The following PHACTR1 variants were observed in gnomAD, a reference collection of about 807,000 sequenced individuals.
PHACTR1 encodes RPEL repeat containing 1.
A neutral mutation model predicts 69.2 loss-of-function variants in PHACTR1; 16 were observed. The observed-to-expected ratio is 0.23, with a 90% CI of 0.16 to 0.35. The LOEUF (loss-of-function observed/expected upper bound fraction) is 0.35, where lower values mean the gene tolerates loss of function less well. PHACTR1 is among the 10% of genes least tolerant of loss of function. PHACTR1 has a pLI of 1.00. For missense variants in PHACTR1, 510 were observed against 734.7 expected (o/e 0.69, Z 3.54); for synonymous variants, 312 against 284.5 (o/e 1.10, Z -0.97).
chr6:13,200,687 A>G (rs1446775897), intron 7 of PHACTR1, among the ~76,000 whole-genome samples: 11 of 151,732 alleles, frequency 7.2e-5, no homozygotes, highest in African/African-American at 2.7e-4. Context: ...GTGGCCACCC[A>G]CTTTGGGAGG....
At chr6:12,831,640 A>G (rs1475377116) in intron 4 of PHACTR1, among the ~76,000 whole-genome samples, 1 of 152,114 alleles carries the variant, frequency 6.6e-6, no homozygotes, top group African/African-American at 2.4e-5. Context: ...AAATTGTTCT[A>G]TGTTTCATCA....
chr6:13,251,654 G>C (rs898341680), intron 10 of PHACTR1, among the ~76,000 whole-genome samples: 1 of 152,206 alleles, frequency 6.6e-6, no homozygotes, highest in African/African-American at 2.4e-5. Flanking sequence ...AGCTCTGACA[G>C]TCCTATGGCA....
At chr6:13,254,838 A>G (rs1774958614) in intron 10 of PHACTR1, among the ~76,000 whole-genome samples, 3 of 152,240 alleles carry the variant, frequency 2.0e-5, no homozygotes, top group Admixed American at 2.0e-4. Context: ...CAAGAAAGCA[A>G]TAGACTACTT....
intron 5 of PHACTR1, among the ~76,000 whole-genome samples, chr6:13,131,193 A>AC (rs1820374293): frequency 4.1e-5 from 1 of 24,662 alleles, no homozygotes; most frequent in Non-Finnish European, 9.3e-5. Context: ...ACACACACAC[A>AC]TATATATATA....
Position 13,137,894 on chromosome 6 carries a change from G to A in PHACTR1, c.416-22310G>A, listed in dbSNP as rs1821807208. Among the ~76,000 whole-genome samples, 3 of 152,214 alleles carry A rather than the reference G, an allele frequency of 2.0e-5. No individual in the cohort carries two copies. The South Asian group carries it at 6.2e-4, about 31-fold the overall frequency. ...TCAAGACATGCTAAGGAAAATAAGGGGAGAGAATTCTCACCCTCTTGTGTC... is the reference window on the plus strand; with the variant it reads ...TCAAGACATGCTAAGGAAAATAAGGAGAGAGAATTCTCACCCTCTTGTGTC... On this transcript the variant is annotated intron_variant, in intron 5 of 14. Transcript: ENST00000332995.
chr6:13,260,242 T>C (rs1287716888), intron 10 of PHACTR1, among the ~76,000 whole-genome samples: 1 of 152,126 alleles, frequency 6.6e-6, no homozygotes, highest in African/African-American at 2.4e-5. Context: ...GATAAGGCCA[T>C]CGTCAAGATG....
At chr6:12,962,007 C>A (rs1274273299) in intron 4 of PHACTR1, among the ~76,000 whole-genome samples, 4 of 152,200 alleles carry the variant, frequency 2.6e-5, no homozygotes, top group African/African-American at 9.7e-5. Flanking sequence ...CAGCTCTCTG[C>A]AGCCTTGATC....
At chr6:12,936,539 CTGTT>C (rs1490839796) in intron 4 of PHACTR1, among the ~76,000 whole-genome samples, 1 of 152,200 alleles carries the variant, frequency 6.6e-6, no homozygotes, top group Non-Finnish European at 1.5e-5. Flanking sequence ...ATTTAAGTGA[CTGTT>C]TACATCTGAG....
intron 4 of PHACTR1, among the ~76,000 whole-genome samples, chr6:12,990,094 C>T (rs764572006): frequency 1.3e-5 from 2 of 152,130 alleles, no homozygotes; most frequent in Admixed American, 6.5e-5. Flanking sequence ...TTTTTATAGC[C>T]AGTTTATACA....
chr6:13,259,633 A>C (rs1353616947), intron 10 of PHACTR1, among the ~76,000 whole-genome samples: 1 of 152,182 alleles, frequency 6.6e-6, no homozygotes, highest in African/African-American at 2.4e-5. Flanking sequence ...AGTCCTACAC[A>C]GCAGGCGGGC....
At chr6:12,800,987 A>G (rs1224410620) in intron 4 of PHACTR1, among the ~76,000 whole-genome samples, 1 of 152,186 alleles carries the variant, frequency 6.6e-6, no homozygotes, top group Non-Finnish European at 1.5e-5. Context: ...GAGTTTAATA[A>G]TTTTTTAAAT....
chr6:13,231,105 G>GGAAGGAAGGGA (rs1562037449), intron 10 of PHACTR1, among the ~76,000 whole-genome samples: 1 of 99,252 alleles, frequency 1.0e-5, no homozygotes, highest in Non-Finnish European at 1.8e-5. Context: ...GAAGGGAAAA[G>GGAAGGAAGGGA]AAAGAAGGAA....
At chr6:12,748,139 A>G (rs1766045466) in intron 3 of PHACTR1, among the ~76,000 whole-genome samples, 2 of 152,260 alleles carry the variant, frequency 1.3e-5, no homozygotes, top group Non-Finnish European at 2.9e-5. Context: ...GATGGCCAGG[A>G]GTTCCACGGG....
Position 13,170,816 on chromosome 6 carries a change from G to A in PHACTR1, c.496+10532G>A, listed in dbSNP as rs117927934. ...AACCCCAGGACCCTAGACTGCTGCC[G>A]CCAGCAAGGCCATGCTTTCATTTGA... On this transcript the variant is annotated intron_variant, in intron 6 of 14. Transcript: ENST00000332995. Among the ~76,000 whole-genome samples the A allele has an allele frequency of 6.3e-3, 952 of 152,198 alleles. 26 individuals carry two copies. In the East Asian group the frequency reaches 0.084, roughly 13 times the overall value.
chr6:13,011,920 C>A (rs189425700), intron 4 of PHACTR1, among the ~76,000 whole-genome samples: 1 of 152,334 alleles, frequency 6.6e-6, no homozygotes, highest in Admixed American at 6.5e-5. Context: ...TTTGTAATCT[C>A]TAAGATAAGG....
intron 4 of PHACTR1, among the ~76,000 whole-genome samples, chr6:12,782,398 G>A (rs1428199712): frequency 6.6e-6 from 1 of 152,148 alleles, no homozygotes; most frequent in African/African-American, 2.4e-5. Flanking sequence ...GACCCTTCCA[G>A]TATAATGTCA....
In PHACTR1 at chr6:13,090,892, T is replaced by A. The variant is rs1020013884; in HGVS notation, c.415+37363T>A. ...TTTAGGATGATTTAAGCACATTACA[T>A]TTATTGTACACTTTATTTCTATTAT... On this transcript the variant is annotated intron_variant, in intron 5 of 14. Transcript: ENST00000332995. Among the ~76,000 whole-genome samples the A allele has an allele frequency of 9.2e-5, 14 of 152,326 alleles. No individual in the cohort carries two copies. In the East Asian group the frequency reaches 1.9e-3, roughly 21 times the overall value.
intron 4 of PHACTR1, among the ~76,000 whole-genome samples, chr6:12,778,250 CAAATT>C (rs1770348471): frequency 6.6e-6 from 1 of 152,144 alleles, no homozygotes; most frequent in African/African-American, 2.4e-5. Flanking sequence ...AAAATCCAAA[CAAATT>C]AAAATCAAAT....
At chr6:13,172,774 C>T (rs1760797071) in intron 6 of PHACTR1, among the ~76,000 whole-genome samples, 1 of 152,196 alleles carries the variant, frequency 6.6e-6, no homozygotes, top group Admixed American at 6.5e-5. Context: ...TCTTTGAGTA[C>T]AAAAACAGGT....
Sources: gnomAD v4.1 joint callset for allele counts (sites outside exome capture counted in the v4.1 genomes callset) on GRCh38, gnomAD v4.1.1 for gene constraint, MANE v1.5 for transcripts, NCBI Gene and HGNC (gene_info 2026-07-23, HGNC 2026-07-21) for gene names.